BTBD9: variants seen among roughly 807,000 people sequenced by gnomAD.
BTBD9 encodes the protein BTB/POZ domain-containing protein 9.
BTBD9 carries 49 observed loss-of-function variants against 64.3 expected under a neutral mutation model. That is an observed-to-expected ratio of 0.76 (90% CI 0.61 to 0.97). BTBD9 has a LOEUF of 0.97. Ranked by LOEUF, BTBD9 falls within the 50% of genes least tolerant of loss-of-function variation. The pLI, the probability that BTBD9 is intolerant of heterozygous loss-of-function variation, is 0.00. For missense variants in BTBD9, 598 were observed against 762.1 expected (o/e 0.78, Z 2.53); for synonymous variants, 260 against 274.7 (o/e 0.95, Z 0.53).
intron 7 of BTBD9, among the ~76,000 whole-genome samples, chr6:38,300,310 C>T (rs571534433): frequency 5.9e-5 from 9 of 152,236 alleles, no homozygotes; most frequent in Non-Finnish European, 1.3e-4. Context: ...CAGCTTTGTT[C>T]TTTAGGCTTA....
intron 1 of BTBD9, among the ~76,000 whole-genome samples, chr6:38,608,315 A>G (rs1168886138): frequency 6.6e-6 from 1 of 152,134 alleles, no homozygotes; most frequent in Non-Finnish European, 1.5e-5. Flanking sequence ...GTATTCTGGG[A>G]GCAGAAAAAT....
At chr6:38,456,707 C>T (rs1031299207) in intron 6 of BTBD9, among the ~76,000 whole-genome samples, 3 of 152,040 alleles carry the variant, frequency 2.0e-5, no homozygotes, top group Admixed American at 1.3e-4. Context: ...GTTGGGTTGT[C>T]TGTTTAGTTA....
rs148278001 is a variant in BTBD9, at chr6:38,302,799, C to T, written c.1265-14338G>A. Among the ~76,000 whole-genome samples, 15 of 152,028 alleles carry T rather than the reference C, an allele frequency of 9.9e-5. No individual in the cohort carries two copies. The East Asian group carries it at 2.5e-3, about 25-fold the overall frequency. On this transcript the variant is annotated intron_variant, in intron 7 of 10. Coordinates refer to ENST00000481247, the MANE Select transcript of BTBD9 (RefSeq NM_001099272.2). ...AGTTCCCCCTTTCTCCACATCCATG[C>T]CTGCATTTGTTCTTTTTTATCTTTT...
intron 6 of BTBD9, among the ~76,000 whole-genome samples, chr6:38,345,650 T>C (rs374673706): frequency 1.3e-5 from 2 of 152,242 alleles, no homozygotes; most frequent in Non-Finnish European, 2.9e-5. Flanking sequence ...AAGTTAACCT[T>C]ATATACTTAC....
intron 6 of BTBD9, among the ~76,000 whole-genome samples, chr6:38,527,706 G>A (rs1301769124): frequency 6.6e-6 from 1 of 151,798 alleles, no homozygotes; most frequent in East Asian, 1.9e-4. Flanking sequence ...ACTAATACAA[G>A]GACATTCTAC....
rs571481027 is a variant in BTBD9, at chr6:38,437,726, T to C, written c.1155-92633A>G. On this transcript the variant is annotated intron_variant, in intron 6 of 10. Transcript: ENST00000481247. ...GAGAAGAAGGTTTCATTAATGATAA[T>C]TAAGGTTGAAGATTATACTGAAATG... Among the ~76,000 whole-genome samples the C allele has an allele frequency of 1.1e-4, 17 of 152,302 alleles. 1 individual carries two copies. The highest frequency in any genetic ancestry group is 4.6e-4 in the Admixed American group (7 of 15,304).
intron 6 of BTBD9, among the ~76,000 whole-genome samples, chr6:38,573,824 T>A (rs1490407460): frequency 6.6e-6 from 1 of 152,140 alleles, no homozygotes; most frequent in African/African-American, 2.4e-5. Flanking sequence ...GTACTCAATA[T>A]CCACCATTCA....
At chr6:38,519,346 G>A (rs1773185334) in intron 6 of BTBD9, among the ~76,000 whole-genome samples, 1 of 152,136 alleles carries the variant, frequency 6.6e-6, no homozygotes, top group African/African-American at 2.4e-5. Flanking sequence ...AATAAGTATT[G>A]AATTCTATAA....
intron 7 of BTBD9, among the ~76,000 whole-genome samples, chr6:38,308,001 TTC>T (rs1162870895): frequency 1.3e-5 from 2 of 152,194 alleles, no homozygotes; most frequent in Non-Finnish European, 2.9e-5. Context: ...TCAGTGAATT[TTC>T]TCTCTCTCCT....
intron 6 of BTBD9, among the ~76,000 whole-genome samples, chr6:38,415,878 C>A (rs955738314): frequency 1.3e-5 from 2 of 151,508 alleles, no homozygotes; most frequent in Non-Finnish European, 2.9e-5. Flanking sequence ...AAAAATTCTG[C>A]CTCACTCATA....
Position 38,173,983 on chromosome 6 carries a change from A to G in BTBD9, c.*1002T>C, listed in dbSNP as rs1766895012. The G allele has an allele frequency of 6.6e-6, 1 of 152,248 alleles. No individual in the cohort carries two copies. Among genetic ancestry groups the G allele is most frequent in the Non-Finnish European group, 1.5e-5 (1 of 68,054 alleles). 9.4% of individuals were successfully genotyped at this position (152,248 alleles called of 1,614,324 possible). A position where few individuals can be genotyped will look rare whatever the true frequency, so the allele number is the denominator to read the frequency against. Reference sequence around the variant, plus strand: ...CAGTTGAGTACTGTGGTGTGGGGGAAGCACGGAGTCCCAGTTCTGCGTTCC... The same window carrying G: ...CAGTTGAGTACTGTGGTGTGGGGGAGGCACGGAGTCCCAGTTCTGCGTTCC... On this transcript the variant is annotated 3_prime_UTR_variant, in exon 11 of 11. Coordinates refer to ENST00000481247, the MANE Select transcript of BTBD9 (RefSeq NM_001099272.2).
At chr6:38,432,289 A>G (rs184030649) in intron 6 of BTBD9, among the ~76,000 whole-genome samples, 1 of 152,144 alleles carries the variant, frequency 6.6e-6, no homozygotes, top group Admixed American at 6.5e-5. Flanking sequence ...AAAGATCATG[A>G]CAGTGAGAGA....
intron 6 of BTBD9, among the ~76,000 whole-genome samples, chr6:38,549,782 C>T (rs1193624078): frequency 1.3e-5 from 2 of 152,042 alleles, no homozygotes; most frequent in Non-Finnish European, 2.9e-5. Flanking sequence ...CATTTTGAAC[C>T]TACTCCTATT....
chr6:38,547,086 T>C (rs1489030536), intron 6 of BTBD9, among the ~76,000 whole-genome samples: 2 of 152,202 alleles, frequency 1.3e-5, no homozygotes, highest in African/African-American at 2.4e-5. Flanking sequence ...ATTTATCTGA[T>C]TGCTCCATCA....
chr6:38,230,186 A>G (rs1486693392), intron 9 of BTBD9, among the ~76,000 whole-genome samples: 1 of 152,116 alleles, frequency 6.6e-6, no homozygotes, highest in Non-Finnish European at 1.5e-5. Context: ...CAGCAACCAG[A>G]ATGAACTTTA....
rs1381734819 is a variant in BTBD9, at chr6:38,183,456, C to T, written c.1642-8274G>A. On this transcript the variant is annotated intron_variant, in intron 10 of 10. Transcript: ENST00000481247. The stretch of plus-strand genomic sequence containing the variant: ...CACAGCTGGCTGGAGGTGAAGCTGG[C>T]ACCAGTGCCGAGGCCCCCTCCCTTC... 8.5e-5 allele frequency among the ~76,000 whole-genome samples: 13 copies of T among 152,290 alleles called. No homozygotes were observed. The South Asian group carries it at 2.3e-3, about 27-fold the overall frequency.
At chr6:38,255,036 T>A (rs1365813824) in intron 9 of BTBD9, among the ~76,000 whole-genome samples, 1 of 152,126 alleles carries the variant, frequency 6.6e-6, no homozygotes, top group Non-Finnish European at 1.5e-5. Context: ...GAAGAATGGA[T>A]AAACAAATGT....
At chr6:38,361,914 G>T (rs1764979924) in intron 6 of BTBD9, among the ~76,000 whole-genome samples, 2 of 151,354 alleles carry the variant, frequency 1.3e-5, no homozygotes, top group South Asian at 4.2e-4. Context: ...CAAAAGCAAA[G>T]ATTAATTACT....
At chr6:38,617,035 G>C (rs377082659) in intron 1 of BTBD9, among the ~76,000 whole-genome samples, 3 of 152,072 alleles carry the variant, frequency 2.0e-5, no homozygotes, top group Non-Finnish European at 2.9e-5. Context: ...TTTTTCCTTA[G>C]AATTCAGGGG....
Sources: allele counts gnomAD v4.1 joint callset (sites outside exome capture counted in the v4.1 genomes callset), GRCh38; gene constraint gnomAD v4.1.1; transcripts MANE v1.5; gene names NCBI Gene and HGNC (gene_info 2026-07-23, HGNC 2026-07-21).